Variants in WASF3 observed in about 807,000 individuals in gnomAD.
The protein encoded by WASF3 is actin-binding protein WASF3.
In WASF3, 11 loss-of-function variants were observed where a neutral mutation model predicts 46.6. The ratio of observed to expected loss-of-function variants is 0.24; its 90% confidence interval spans 0.15 to 0.39. The LOEUF is 0.39. WASF3 is among the 10% of genes least tolerant of loss of function. WASF3 has a pLI of 1.00. For synonymous variants in WASF3, 242 were observed against 259.7 expected, an observed-to-expected ratio of 0.93 and a Z score of 0.65; for missense variants, 576 against 669.8, an observed-to-expected ratio of 0.86 and a Z score of 1.55.
chr13:26,553,217 C>G (rs890513827), upstream of WASF3, among the ~76,000 whole-genome samples: 2 of 152,168 alleles, frequency 1.3e-5, no homozygotes, highest in Non-Finnish European at 2.9e-5. Context: ...CACCAGTATT[C>G]TCTTGACCAC....
intron 5 of WASF3, among the ~76,000 whole-genome samples, chr13:26,668,612 C>T (rs936524548): frequency 6.6e-6 from 1 of 152,224 alleles, no homozygotes; most frequent in Non-Finnish European, 1.5e-5. Flanking sequence ...TTTTCTTGGT[C>T]CTAATTCCTG....
At chr13:26,582,174 C>T (rs552069278) in intron 1 of WASF3, among the ~76,000 whole-genome samples, 16 of 152,224 alleles carry the variant, frequency 1.1e-4, no homozygotes, top group South Asian at 2.1e-4. Flanking sequence ...CAATTACATA[C>T]GGATGGTTCC....
chr13:26,601,245 G>A (rs1003627938), intron 1 of WASF3, among the ~76,000 whole-genome samples: 9 of 152,204 alleles, frequency 5.9e-5, no homozygotes, highest in Non-Finnish European at 1.0e-4. Context: ...TATCTCAGCA[G>A]TTTTGAGGGG....
chr13:26,580,490 A>G (rs1879943973), intron 1 of WASF3, among the ~76,000 whole-genome samples: 1 of 152,200 alleles, frequency 6.6e-6, no homozygotes, highest in South Asian at 2.1e-4. Context: ...TCCAATTAGC[A>G]TTCAAATATT....
chr13:26,660,703 T>A (rs753603792), intron 3 of WASF3, among the ~76,000 whole-genome samples: 6 of 151,898 alleles, frequency 4.0e-5, no homozygotes, highest in Admixed American at 6.6e-5. Context: ...TCCAGGTTTT[T>A]AAAAAAAACT....
chr13:26,630,553 C>A (rs1881619666), intron 2 of WASF3, among the ~76,000 whole-genome samples: 3 of 152,232 alleles, frequency 2.0e-5, no homozygotes, highest in African/African-American at 7.2e-5. Flanking sequence ...TTAATCCAGT[C>A]TATCATTGAT....
intron 1 of WASF3, among the ~76,000 whole-genome samples, chr13:26,593,382 A>G (rs1009274659): frequency 6.6e-6 from 1 of 152,164 alleles, no homozygotes; most frequent in Admixed American, 6.5e-5. Context: ...TGAAGATCAA[A>G]TCATAAAGTG....
rs1340692127 is a variant in WASF3 at position 26,688,009 on chromosome 13, G to T, written c.*2164G>T. ...TTTATTCATAAATATTCATGAGCCT[G>T]TTAATTGTTAGTTGTCTTCCTGTAG... On this transcript the variant is annotated 3_prime_UTR_variant, in exon 10 of 10. Transcript: ENST00000335327. The T allele has an allele frequency of 1.3e-5, 2 of 152,046 alleles. No homozygotes were observed. The highest frequency in any genetic ancestry group is 2.9e-5 in the Non-Finnish European group (2 of 68,002). 9.4% of individuals were successfully genotyped at this position (152,046 alleles called of 1,614,324 possible). A position where few individuals can be genotyped will look rare whatever the true frequency, so the allele number is the denominator to read the frequency against.
chr13:26,683,807 G>T (rs1883318599), intron 9 of WASF3, among the ~76,000 whole-genome samples: 1 of 152,144 alleles, frequency 6.6e-6, no homozygotes, highest in Admixed American at 6.5e-5. Context: ...GGTGGAATTG[G>T]GTGGGGAGTC....
In WASF3 at chr13:26,664,788, A is replaced by G. The variant is rs575656844; in HGVS notation, c.134-240A>G. Among the ~76,000 whole-genome samples the G allele has an allele frequency of 1.2e-4, 19 of 152,390 alleles. No homozygotes were observed. The East Asian group carries it at 2.3e-3, about 19-fold the overall frequency. On this transcript the variant is annotated intron_variant, in intron 3 of 9. Transcript: ENST00000335327. ...CTTGAGCGATAGCTCATGTAGCAAT[A>G]AAGATTCTATACTGTCTGGGATATT...
chr13:26,611,898 CT>C (rs1183181564), intron 1 of WASF3, among the ~76,000 whole-genome samples: 1 of 150,072 alleles, frequency 6.7e-6, no homozygotes, highest in Non-Finnish European at 1.5e-5. Flanking sequence ...TTCTTAGAAT[CT>C]ACTGGCCTAC....
intron 1 of WASF3, among the ~76,000 whole-genome samples, chr13:26,602,386 A>AT (rs1432670428): frequency 6.6e-6 from 1 of 152,078 alleles, no homozygotes; most frequent in African/African-American, 2.4e-5. Context: ...CTAGGAGGTC[A>AT]TTTTTTCCTT....
intron 2 of WASF3, among the ~76,000 whole-genome samples, chr13:26,614,003 A>G (rs1206278677): frequency 1.3e-5 from 2 of 152,204 alleles, no homozygotes; most frequent in Admixed American, 6.5e-5. Context: ...GAATACTATC[A>G]TCTGTCTTGC....
intron 1 of WASF3, among the ~76,000 whole-genome samples, chr13:26,570,577 AAATATACTCT>A (rs1879605141): frequency 6.6e-6 from 1 of 151,902 alleles, no homozygotes; most frequent in South Asian, 2.1e-4. Context: ...TTTTCACTTA[AAATATACTCT>A]AGAAATTAAT....
At chr13:26,559,737 C>T (rs1188098810) in intron 1 of WASF3, among the ~76,000 whole-genome samples, 1 of 150,764 alleles carries the variant, frequency 6.6e-6, no homozygotes, top group Non-Finnish European at 1.5e-5. Flanking sequence ...GATTGTTTTT[C>T]ACTTTGGGTG....
chr13:26,550,744 C>G, the WASF3 span, among the ~76,000 whole-genome samples: 1 of 152,170 alleles, frequency 6.6e-6, no homozygotes, highest in South Asian at 2.1e-4. Flanking sequence ...GGCACCCTCC[C>G]CTTCCCCACC....
At chr13:26,599,180 A>ATTTT (rs1880569192) in intron 1 of WASF3, among the ~76,000 whole-genome samples, 1 of 51,450 alleles carries the variant, frequency 1.9e-5, no homozygotes, top group South Asian at 6.2e-4. Context: ...TCTTCTTTTC[A>ATTTT]TTTCTTTTTT....
intron 1 of WASF3, among the ~76,000 whole-genome samples, chr13:26,597,444 T>G (rs921751886): frequency 1.8e-4 from 27 of 152,130 alleles, no homozygotes; most frequent in Middle Eastern, 3.4e-3. Flanking sequence ...CCCTTGATTT[T>G]TTGTTGTTGT....
At chr13:26,648,689 A>G (rs1882223672) in intron 3 of WASF3, among the ~76,000 whole-genome samples, 1 of 152,226 alleles carries the variant, frequency 6.6e-6, no homozygotes. Context: ...GGAGGAACAC[A>G]GCAAGAATTT....
Sources: allele counts gnomAD v4.1 joint callset (sites outside exome capture counted in the v4.1 genomes callset), GRCh38; gene constraint gnomAD v4.1.1; transcripts MANE v1.5; gene names NCBI Gene and HGNC (gene_info 2026-07-23, HGNC 2026-07-21).